TSPAN18: variants seen among roughly 807,000 people sequenced by gnomAD.
TSPAN18 encodes the protein tetraspanin-18.
A neutral mutation model predicts 27.3 loss-of-function variants in TSPAN18; 14 were observed. The ratio of observed to expected loss-of-function variants is 0.51; its 90% CI spans 0.34 to 0.80. The LOEUF (loss-of-function observed/expected upper bound fraction) is 0.80, where lower values mean the gene tolerates loss of function less well. TSPAN18 is among the 30% of genes least tolerant of loss of function. The pLI is 0.01. For synonymous variants in TSPAN18, 143 were observed against 136.5 expected, an observed-to-expected ratio of 1.05 and a Z score of -0.33; for missense variants, 268 against 323.9, an observed-to-expected ratio of 0.83 and a Z score of 1.32.
chr11:44,873,266 AT>A (rs1381448498), intron 3 of TSPAN18, among the ~76,000 whole-genome samples: 1 of 152,190 alleles, frequency 6.6e-6, no homozygotes, highest in East Asian at 1.9e-4. Flanking sequence ...AGTTCAGGGA[AT>A]TTCATGGTGG....
chr11:44,929,250 T>C lies in TSPAN18; in HGVS notation c.*72T>C, dbSNP rs1213021757. 47 of 1,576,684 alleles carry C rather than the reference T, an allele frequency of 3.0e-5. No homozygotes were observed. Among genetic ancestry groups the C allele is most frequent in the Non-Finnish European group, 4.0e-5 (46 of 1,153,122 alleles). On this transcript the variant is annotated 3_prime_UTR_variant, in exon 10 of 10. Coordinates refer to ENST00000520358, the MANE Select transcript of TSPAN18 (RefSeq NM_130783.5). The stretch of plus-strand genomic sequence containing the variant: ...AGCACCCAGTGTCCTCCCGTGCCCC[T>C]CCCCGCTGTCCTCTTGGCCCCAGGG...
intron 2 of TSPAN18, among the ~76,000 whole-genome samples, chr11:44,788,817 T>C (rs1300013218): frequency 1.3e-5 from 2 of 152,208 alleles, no homozygotes; most frequent in Admixed American, 1.3e-4. Flanking sequence ...GCTTTGTTTC[T>C]CCTGTACCTG....
intron 2 of TSPAN18, 101 bp downstream of exon 2, chr11:44,764,613 C>A (rs1172047291): frequency 2.0e-5 from 3 of 152,300 alleles, no homozygotes; most frequent in Non-Finnish European, 4.4e-5. Context: ...CCACCACTTC[C>A]ATGTGAGAGG....
At chr11:44,906,570 C>A in intron 4 of TSPAN18, 91 bp downstream of exon 4, 3 of 1,297,602 alleles carry the variant, frequency 2.3e-6, no homozygotes, top group South Asian at 1.2e-5. Flanking sequence ...GTCCCTGGGG[C>A]GAGCACAGGG....
At chr11:44,739,764 G>A (rs1854886675) in intron 1 of TSPAN18, among the ~76,000 whole-genome samples, 1 of 150,042 alleles carries the variant, frequency 6.7e-6, no homozygotes, top group Admixed American at 6.6e-5. Flanking sequence ...ACCAGTCTCT[G>A]GGCCCAGAGA....
chr11:44,855,193 A>G (rs1857703540), intron 2 of TSPAN18, among the ~76,000 whole-genome samples: 1 of 151,814 alleles, frequency 6.6e-6, no homozygotes, highest in African/African-American at 2.4e-5. Context: ...ATTAGTTCAC[A>G]TTTATAGCGT....
At chr11:44,863,576 A>G (rs1857953444) in intron 3 of TSPAN18, among the ~76,000 whole-genome samples, 1 of 152,132 alleles carries the variant, frequency 6.6e-6, no homozygotes, top group Admixed American at 6.5e-5. Context: ...ATTTTCACTT[A>G]GAGCATTGCA....
intron 2 of TSPAN18, among the ~76,000 whole-genome samples, chr11:44,817,589 C>T (rs1220707916): frequency 6.6e-6 from 1 of 152,234 alleles, no homozygotes; most frequent in Non-Finnish European, 1.5e-5. Flanking sequence ...AGAAGACCCT[C>T]CCAGCCTTGG....
intron 3 of TSPAN18, chr11:44,897,858 T>C: frequency 3.1e-6 from 4 of 1,289,396 alleles, no homozygotes; most frequent in Non-Finnish European, 4.0e-6. Context: ...CTCTCCCTTC[T>C]CAGTGTACCT....
chr11:44,810,604 C>CT (rs34519569), intron 2 of TSPAN18, among the ~76,000 whole-genome samples: 28,190 of 138,386 alleles, frequency 0.2, 3,442 homozygotes, highest in East Asian at 0.51. Context: ...AATTTTTTTT[C>CT]TTTTTTTTTT....
At chr11:44,745,089 T>C (rs190273397) in intron 1 of TSPAN18, among the ~76,000 whole-genome samples, 26 of 152,308 alleles carry the variant, frequency 1.7e-4, no homozygotes, top group African/African-American at 6.3e-4. Context: ...GCCCTGTCAC[T>C]GGCTTTGTTG....
intron 3 of TSPAN18, among the ~76,000 whole-genome samples, chr11:44,902,289 C>T (rs1001035956): frequency 4.6e-5 from 7 of 152,338 alleles, no homozygotes; most frequent in African/African-American, 1.7e-4. Flanking sequence ...TGCCCAAAGA[C>T]ACAGAGGTAG....
intron 2 of TSPAN18, among the ~76,000 whole-genome samples, chr11:44,790,225 G>T (rs764823690): frequency 6.6e-6 from 1 of 150,976 alleles, no homozygotes; most frequent in Non-Finnish European, 1.5e-5. Context: ...GTTTGTGTAT[G>T]TCCATGTGTT....
intron 2 of TSPAN18, among the ~76,000 whole-genome samples, chr11:44,790,205 G>C (rs1213532124): frequency 6.6e-6 from 1 of 151,618 alleles, no homozygotes; most frequent in Admixed American, 6.6e-5. Context: ...GCATGTGTCT[G>C]TGTGTGCATG....
chr11:44,753,692 C>T (rs896268525), intron 1 of TSPAN18, among the ~76,000 whole-genome samples: 1 of 152,180 alleles, frequency 6.6e-6, no homozygotes, highest in South Asian at 2.1e-4. Context: ...ACATAGTGAT[C>T]GACTTCAGTG....
At chr11:44,787,971 A>C (rs752410264) in intron 2 of TSPAN18, among the ~76,000 whole-genome samples, 3 of 152,184 alleles carry the variant, frequency 2.0e-5, no homozygotes, top group Non-Finnish European at 4.4e-5. Context: ...AGCCTGGTCC[A>C]GGCCCAGGGA....
At chr11:44,770,707 C>T (rs1267951320) in intron 2 of TSPAN18, among the ~76,000 whole-genome samples, 1 of 152,118 alleles carries the variant, frequency 6.6e-6, no homozygotes, top group African/African-American at 2.4e-5. Flanking sequence ...GCAGGGAGAC[C>T]AGTACAAACA....
chr11:44,919,677 TCA>T (rs1860049942), intron 7 of TSPAN18, 138 bp from the exon 8 acceptor site: 8 of 829,898 alleles, frequency 9.6e-6, no homozygotes, highest in Non-Finnish European at 1.6e-5. Flanking sequence ...TTTCCCATGG[TCA>T]CACAGTGGTG....
rs546169657 is a variant in TSPAN18, at chr11:44,874,200, C to T, written c.-11+13731C>T. Among the ~76,000 whole-genome samples, 7 of 152,310 alleles carry T rather than the reference C, an allele frequency of 4.6e-5. No homozygotes were observed. In the South Asian group the frequency reaches 6.2e-4, roughly 14 times the overall value. Reference sequence around the variant, plus strand: ...CTGTAAAAAGGAGATGGGCCTAGCACGGTATGGGACATACAGTAACCAATG... The same window carrying T: ...CTGTAAAAAGGAGATGGGCCTAGCATGGTATGGGACATACAGTAACCAATG... On this transcript the variant is annotated intron_variant, in intron 3 of 9. Coordinates refer to ENST00000520358, the MANE Select transcript of TSPAN18 (RefSeq NM_130783.5).
Sources: gnomAD v4.1 joint callset for allele counts (sites outside exome capture counted in the v4.1 genomes callset) on GRCh38, gnomAD v4.1.1 for gene constraint, MANE v1.5 for transcripts, NCBI Gene and HGNC (gene_info 2026-07-23, HGNC 2026-07-21) for gene names.